The following CCDC152 variants were observed in gnomAD, a reference collection of about 807,000 sequenced individuals.
CCDC152 encodes the protein coiled-coil domain-containing protein 152.
CCDC152 carries 37 observed loss-of-function variants against 38.1 expected under a neutral mutation model. That is an observed-to-expected ratio of 0.97 (90% CI 0.75 to 1.28). The LOEUF is 1.28. Among genes scored for constraint, CCDC152 ranks in the 50% most tolerant of loss-of-function variants. The pLI is 0.00. For synonymous variants in CCDC152, 83 were observed against 87.1 expected (o/e 0.95, Z 0.26); for missense variants, 259 against 292.1 (o/e 0.89, Z 0.83).
rs566418131 is a variant in CCDC152, at chr5:42,795,113, T to G, written c.431-1716T>G. Reference sequence around the variant, plus strand: ...GAATGAATTTCCAATTAAAAAAGATTGCCAGATTGAATAAGTATTAAAATC... The same window carrying G: ...GAATGAATTTCCAATTAAAAAAGATGGCCAGATTGAATAAGTATTAAAATC... On this transcript the variant is annotated intron_variant, in intron 6 of 8. Transcript: ENST00000361970. Among the ~76,000 whole-genome samples the G allele has an allele frequency of 9.2e-5, 14 of 152,316 alleles. No homozygotes were observed. The East Asian group carries it at 2.1e-3, about 23-fold the overall frequency.
chr5:42,797,282 C>T (rs1760088258), intron 7 of CCDC152, among the ~76,000 whole-genome samples: 1 of 152,176 alleles, frequency 6.6e-6, no homozygotes, highest in South Asian at 2.1e-4. Flanking sequence ...AACTGCAGGC[C>T]TTTCTGACTG....
chr5:42,767,850 G>A (rs934510896), intron 3 of CCDC152, among the ~76,000 whole-genome samples: 15 of 152,358 alleles, frequency 9.8e-5, no homozygotes, highest in Non-Finnish European at 1.3e-4. Flanking sequence ...AGTGATGGCA[G>A]AGTCTGTCTA....
Position 42,799,461 on chromosome 5 carries a change from A to T in CCDC152, c.642+3A>T, listed in dbSNP as rs1390638974. The T allele has an allele frequency of 4.6e-6, 7 of 1,512,280 alleles. No individual in the cohort carries two copies. In the East Asian group the frequency reaches 1.7e-4, roughly 37 times the overall value. 93.7% of individuals were successfully genotyped at this position (1,512,280 alleles called of 1,614,324 possible). A position where few individuals can be genotyped will look rare whatever the true frequency, so the allele number is the denominator to read the frequency against. On this transcript the variant is annotated splice_donor_region_variant and intron_variant, in intron 8 of 8. Coordinates refer to ENST00000361970, the MANE Select transcript of CCDC152 (RefSeq NM_001134848.2). Reference sequence around the variant, plus strand: ...TGCCACAAAGTATCTACAGAAGGGTATGTGAGTTTTCCTCTCAGTATTTGT... The same window carrying T: ...TGCCACAAAGTATCTACAGAAGGGTTTGTGAGTTTTCCTCTCAGTATTTGT...
chr5:42,768,979 C>G (rs996946196), intron 3 of CCDC152, among the ~76,000 whole-genome samples: 4 of 152,056 alleles, frequency 2.6e-5, no homozygotes, highest in African/African-American at 9.7e-5. Context: ...ACCTATAGTC[C>G]CAGCATTTTA....
At chr5:42,775,527 G>C (rs1759759062) in intron 4 of CCDC152, among the ~76,000 whole-genome samples, 1 of 152,004 alleles carries the variant, frequency 6.6e-6, no homozygotes, top group African/African-American at 2.4e-5. Context: ...AAAAATTGAG[G>C]GTATTTGTTG....
chr5:42,777,356 G>A (rs534068628), intron 4 of CCDC152, among the ~76,000 whole-genome samples: 10 of 152,060 alleles, frequency 6.6e-5, no homozygotes, highest in South Asian at 2.1e-4. Context: ...CCAGCTACTC[G>A]GGGGCCGAGG....
chr5:42,776,765 A>C (rs1350909170), intron 4 of CCDC152, among the ~76,000 whole-genome samples: 1 of 152,246 alleles, frequency 6.6e-6, no homozygotes, highest in Non-Finnish European at 1.5e-5. Flanking sequence ...AGAAAGGTAG[A>C]TGAAAAATCT....
intron 4 of CCDC152, among the ~76,000 whole-genome samples, chr5:42,770,089 G>T (rs766219382): frequency 7.9e-5 from 12 of 152,156 alleles, no homozygotes; most frequent in Non-Finnish European, 1.6e-4. Flanking sequence ...TGCAAGTGAA[G>T]TCAACACATT....
intron 6 of CCDC152, among the ~76,000 whole-genome samples, chr5:42,785,981 T>A (rs1252662493): frequency 2.0e-5 from 3 of 152,132 alleles, no homozygotes; most frequent in African/African-American, 7.2e-5. Flanking sequence ...GGCCGTTTGA[T>A]CCTGATGAAT....
At chr5:42,763,124 C>T (rs573432886) in intron 3 of CCDC152, among the ~76,000 whole-genome samples, 92 of 152,084 alleles carry the variant, frequency 6.0e-4, no homozygotes, top group African/African-American at 2.2e-3. Context: ...CACAATAAGC[C>T]TCAAGCATCT....
At chr5:42,775,000 A>G (rs1365562560) in intron 4 of CCDC152, among the ~76,000 whole-genome samples, 2 of 150,332 alleles carry the variant, frequency 1.3e-5, no homozygotes, top group Admixed American at 6.7e-5. Context: ...ATATGTCAAT[A>G]GAAACTTCCG....
intron 6 of CCDC152, among the ~76,000 whole-genome samples, chr5:42,789,546 A>G (rs920828308): frequency 2.0e-5 from 3 of 152,182 alleles, no homozygotes; most frequent in Non-Finnish European, 4.4e-5. Context: ...ATATTTATGT[A>G]TGTAAATACA....
intron 5 of CCDC152, among the ~76,000 whole-genome samples, chr5:42,781,961 T>A (rs779115966): frequency 6.6e-6 from 1 of 152,186 alleles, no homozygotes; most frequent in Non-Finnish European, 1.5e-5. Context: ...GTTGTAAAAT[T>A]TATCTTCACA....
At chr5:42,776,274 A>G (rs1327264391) in intron 4 of CCDC152, among the ~76,000 whole-genome samples, 1 of 152,184 alleles carries the variant, frequency 6.6e-6, no homozygotes, top group Non-Finnish European at 1.5e-5. Flanking sequence ...TGCTAACACT[A>G]AGAACACTGG....
intron 6 of CCDC152, among the ~76,000 whole-genome samples, chr5:42,786,784 G>A (rs1759926461): frequency 6.6e-6 from 1 of 151,958 alleles, no homozygotes; most frequent in Admixed American, 6.6e-5. Flanking sequence ...GGCATTTAGT[G>A]CTATAAACTT....
chr5:42,796,093 G>A (rs1373374189), intron 6 of CCDC152, among the ~76,000 whole-genome samples: 1 of 151,888 alleles, frequency 6.6e-6, no homozygotes, highest in Non-Finnish European at 1.5e-5. Flanking sequence ...ACTGTTGTGG[G>A]GTGGGGGAGA....
At chr5:42,769,823 A>G (rs1759674098) in intron 4 of CCDC152, among the ~76,000 whole-genome samples, 158 bp downstream of exon 4, 1 of 152,236 alleles carries the variant, frequency 6.6e-6, no homozygotes, top group African/African-American at 2.4e-5. Flanking sequence ...TTATGAAATA[A>G]GAAATGTTAT....
intron 8 of CCDC152, 43 bp downstream of exon 8, chr5:42,799,501 T>G (rs754326026): frequency 1.5e-6 from 2 of 1,316,642 alleles, no homozygotes; most frequent in African/African-American, 3.0e-5. Context: ...TAAGAAAACT[T>G]TCTAAGCATG....
chr5:42,778,487 G>C (rs893491943), intron 4 of CCDC152, among the ~76,000 whole-genome samples: 1 of 152,102 alleles, frequency 6.6e-6, no homozygotes, highest in Admixed American at 6.6e-5. Context: ...GTTTTAAACC[G>C]ACCTGGATGT....
Sources: allele counts gnomAD v4.1 joint callset (sites outside exome capture counted in the v4.1 genomes callset), GRCh38; gene constraint gnomAD v4.1.1; transcripts MANE v1.5; gene names NCBI Gene and HGNC (gene_info 2026-07-23, HGNC 2026-07-21).